The following HKDC1 variants were observed in gnomAD, a reference collection of about 807,000 sequenced individuals.
The protein encoded by HKDC1 is hexokinase HKDC1.
HKDC1 carries 66 observed loss-of-function variants against 96.6 expected under a neutral mutation model. That is an observed-to-expected ratio of 0.68 (90% confidence interval 0.56 to 0.84). The LOEUF (loss-of-function observed/expected upper bound fraction) is 0.84. Among genes scored for constraint, HKDC1 ranks in the 40% least tolerant of loss-of-function variants. The pLI is 0.00. For missense variants in HKDC1, 1,211 were observed against 1,208.1 expected (o/e 1.00, Z -0.04); for synonymous variants, 466 against 473.1 (o/e 0.98, Z 0.20).
At chr10:69,232,677 T>C (rs1374152324) in intron 2 of HKDC1, 87 bp from the exon 3 acceptor site, 10 of 1,252,066 alleles carry the variant, frequency 8.0e-6, no homozygotes, top group Non-Finnish European at 1.1e-5. Flanking sequence ...TTTGAAGACG[T>C]TGATTATATG....
At chr10:69,257,689 G>GA (rs1451547860) in intron 14 of HKDC1, among the ~76,000 whole-genome samples, 2 of 151,954 alleles carry the variant, frequency 1.3e-5, no homozygotes, top group African/African-American at 4.8e-5. Flanking sequence ...TTGTCATGGG[G>GA]GGGGGAAGGA....
Position 69,264,245 on chromosome 10 carries a change from T to TG in HKDC1, c.2373-1340_2373-1339insG, listed in dbSNP as rs1564738676. Among the ~76,000 whole-genome samples the TG allele has an allele frequency of 2.0e-4, 27 of 137,546 alleles. No individual in the cohort carries two copies. In the East Asian group the frequency reaches 2.3e-3, roughly 11 times the overall value. 90.2% of individuals were successfully genotyped at this position (137,546 alleles called of 152,430 possible). On this transcript the variant is annotated intron_variant, in intron 16 of 17. Transcript: ENST00000354624. ...TGTGTGTGTGTGTGTGTGTGTGTCTTTTTTTAATCTGGGCAAGGGCAAACA... is the reference window on the plus strand; with the variant it reads ...TGTGTGTGTGTGTGTGTGTGTGTCTTGTTTTTAATCTGGGCAAGGGCAAACA...
intron 10 of HKDC1, among the ~76,000 whole-genome samples, chr10:69,250,070 C>T (rs1217149095): frequency 6.6e-6 from 1 of 152,194 alleles, no homozygotes; most frequent in East Asian, 1.9e-4. Flanking sequence ...TGGGACTTTA[C>T]CACAGAAGTG....
chr10:69,232,752 G>A lies in HKDC1; in HGVS notation c.227-12G>A. 1.2e-6 allele frequency: 2 copies of A among 1,613,504 alleles called. No homozygotes were observed. Among genetic ancestry groups the A allele is most frequent in the Non-Finnish European group, 8.5e-7 (1 of 1,179,570 alleles). ...CCCTCAATAAATGGAAACTGAATTT[G>A]TTTCTTAATAGAAAATGGGGAGTTC... is the stretch of plus-strand genomic sequence containing the variant. On this transcript the variant is annotated splice_polypyrimidine_tract_variant and intron_variant, in intron 2 of 17. Coordinates refer to ENST00000354624, the MANE Select transcript of HKDC1 (RefSeq NM_025130.4).
chr10:69,227,640 G>C (rs1465412666), intron 2 of HKDC1, among the ~76,000 whole-genome samples: 6 of 152,202 alleles, frequency 3.9e-5, no homozygotes, highest in Non-Finnish European at 7.3e-5. Flanking sequence ...TCCCTGGTGA[G>C]TATCAACGTG....
At position 69,266,807 on chromosome 10, in the gene HKDC1, C is replaced by T. The variant is rs762097516; in HGVS notation, c.*50C>T. 7.8e-5 allele frequency: 122 copies of T among 1,571,782 alleles called. 1 individual carries two copies. The Middle Eastern group carries it at 1.0e-3, about 13-fold the overall frequency. ...CATCTTGGATACTGAACAGCTTTTC[C>T]TCTGGCAGATCAGTTGGTCAGAGAC... On this transcript the variant is annotated 3_prime_UTR_variant, in exon 18 of 18. Transcript: ENST00000354624.
rs778993869 is a variant in HKDC1, at chr10:69,258,733, G to A, written c.2033-43G>A. On this transcript the variant is annotated intron_variant, in intron 14 of 17. Coordinates refer to ENST00000354624, the MANE Select transcript of HKDC1 (RefSeq NM_025130.4). Reference sequence around the variant, plus strand: ...CACTCTGCCACCTTTCTAAAACCTGGTGATGTCTTTGAAGACTAAGGTTCC... The same window carrying A: ...CACTCTGCCACCTTTCTAAAACCTGATGATGTCTTTGAAGACTAAGGTTCC... 6 of 1,597,256 alleles carry A rather than the reference G, an allele frequency of 3.8e-6. No homozygotes were observed. The East Asian group carries it at 6.7e-5, about 18-fold the overall frequency.
At position 69,246,109 on chromosome 10, in the gene HKDC1, G is replaced by A; in HGVS notation, c.906G>A (p.Leu302=). 1.2e-6 allele frequency: 2 copies of A among 1,614,214 alleles called. No homozygotes were observed. Among genetic ancestry groups the A allele is most frequent in the South Asian group, 1.1e-5 (1 of 91,084 alleles). Residue 302 remains leucine, a synonymous_variant, in exon 8 of 18, where the codon CTG becomes CTA. Transcript: ENST00000354624. The part of the protein sequence containing the change: ...LFEKMISGLY[L]GELVRLILLK... ...AGAAGATGATCAGTGGCCTGTACCTGGGGGAGCTTGTCAGGCTTATCTTGC... is the reference window on the plus strand; with the variant it reads ...AGAAGATGATCAGTGGCCTGTACCTAGGGGAGCTTGTCAGGCTTATCTTGC...
chr10:69,250,457 TG>T (rs1843622942), intron 11 of HKDC1, 22 bp downstream of exon 11: 7 of 1,611,958 alleles, frequency 4.3e-6, no homozygotes, highest in Non-Finnish European at 5.9e-6. Flanking sequence ...GCAAGGCCTT[TG>T]GGCTCCGAGG....
Position 69,248,631 on chromosome 10 carries a change from G to A in HKDC1, c.1473G>A (p.Met491Ile). Reference protein sequence around the residue: ...REQLVDVQAKMRAELEYGLKK... With the variant: ...REQLVDVQAKIRAELEYGLKK... ...AGCTCGTGGACGTGCAGGCCAAGAT[G>A]CGGGCTGAGCTGGAGTATGGGCTGA... The change falls in exon 10 of 18, where the codon ATG (methionine) becomes ATA (isoleucine). Residue 491 changes from methionine to isoleucine, a missense_variant. By Grantham distance (10) the Met-to-Ile change is conservative (BLOSUM62 1). Coordinates refer to ENST00000354624, the MANE Select transcript of HKDC1 (RefSeq NM_025130.4). The A allele has an allele frequency of 6.2e-7, 1 of 1,614,156 alleles. No homozygotes were observed. Among genetic ancestry groups the A allele is most frequent in the Non-Finnish European group, 8.5e-7 (1 of 1,180,026 alleles).
At chr10:69,240,893 C>A in intron 6 of HKDC1, 142 bp downstream of exon 6, 1 of 616,694 alleles carries the variant, frequency 1.6e-6, no homozygotes, top group African/African-American at 1.8e-5. Flanking sequence ...AAAATTCATT[C>A]ATTCATCCAT....
Position 69,243,164 on chromosome 10 carries a change from C to G in HKDC1, c.692-18C>G, listed in dbSNP as rs750577149. The G allele has an allele frequency of 6.2e-7, 1 of 1,613,934 alleles. No individual in the cohort carries two copies. The highest frequency in any genetic ancestry group is 8.5e-7 in the Non-Finnish European group (1 of 1,179,808). On this transcript the variant is annotated intron_variant, in intron 6 of 17. Coordinates refer to ENST00000354624, the MANE Select transcript of HKDC1 (RefSeq NM_025130.4). ...TGGGAGTCCTCTCTCTGCATATTCTCTCTGATCCCTGGTTCAGGAACTGGC... is the reference window on the plus strand; with the variant it reads ...TGGGAGTCCTCTCTCTGCATATTCTGTCTGATCCCTGGTTCAGGAACTGGC...
intron 9 of HKDC1, among the ~76,000 whole-genome samples, chr10:69,248,032 G>A (rs2132358536): frequency 6.6e-6 from 1 of 152,292 alleles, no homozygotes; most frequent in South Asian, 2.1e-4. Context: ...GAAAACACAG[G>A]GAAATGGGAA....
intron 1 of HKDC1, among the ~76,000 whole-genome samples, chr10:69,222,246 A>T (rs549036635): frequency 1.2e-3 from 189 of 152,318 alleles, no homozygotes; most frequent in African/African-American, 4.4e-3. Flanking sequence ...AAAGAGAGAG[A>T]GGAAGTGTGG....
At chr10:69,243,106 C>T (rs1843478204) in intron 6 of HKDC1, 76 bp from the exon 7 acceptor site, 2 of 1,451,978 alleles carry the variant, frequency 1.4e-6, no homozygotes, top group South Asian at 1.2e-5. Flanking sequence ...GGAGGACTCC[C>T]CAGCAGTCAA....
rs774217376 is a variant in HKDC1, at chr10:69,261,225, G to A, written c.2303G>A (p.Arg768Gln). ...CTGACCAAGCAGGGTCTCCTCTTCC[G>A]AGGGCAGATTTCAGAGCGTCTCCGG... is the stretch of plus-strand genomic sequence containing the variant. ...IDLTKQGLLF[R>Q]GQISERLRTR... Residue 768 changes from arginine to glutamine, a missense_variant, in exon 16 of 18, where the codon CGA becomes CAA. Physicochemically the swap from Arg to Gln is conservative, Grantham distance 43 (BLOSUM62 1). Transcript: ENST00000354624. 3.7e-6 allele frequency: 6 copies of A among 1,613,968 alleles called. No homozygotes were observed. Among genetic ancestry groups the A allele is most frequent in the African/African-American group, 2.7e-5 (2 of 74,888 alleles).
chr10:69,221,867 C>T (rs980537847), intron 1 of HKDC1, among the ~76,000 whole-genome samples: 3 of 151,196 alleles, frequency 2.0e-5, no homozygotes, highest in East Asian at 1.9e-4. Context: ...CGGGAGACTG[C>T]GCTACTGCAC....
intron 17 of HKDC1, among the ~76,000 whole-genome samples, 189 bp from the exon 18 acceptor site, chr10:69,266,420 AC>A (rs1843899061): frequency 6.6e-6 from 1 of 151,502 alleles, no homozygotes; most frequent in Non-Finnish European, 1.5e-5. Flanking sequence ...CTGTGATTGC[AC>A]AACTGCAGTC....
rs755173680 is a variant in HKDC1, at chr10:69,232,870, C to A, written c.333C>A (p.Phe111Leu). ...GACACGTGCAGATGGAGAGTCAGTT[C>A]TACCCAACGCCCAATGAAATCATCC... ...GKRHVQMESQ[F>L]YPTPNEIIRG... Residue 111 changes from phenylalanine to leucine, a missense_variant, in exon 3 of 18, where the codon TTC becomes TTA. Physicochemically the swap from Phe to Leu is conservative, Grantham distance 22. Coordinates refer to ENST00000354624, the MANE Select transcript of HKDC1 (RefSeq NM_025130.4). 7.4e-6 allele frequency: 12 copies of A among 1,613,806 alleles called. No individual in the cohort carries two copies. In the East Asian group the frequency reaches 2.7e-4, roughly 36 times the overall value.
Sources: allele counts gnomAD v4.1 joint callset (sites outside exome capture counted in the v4.1 genomes callset), GRCh38; gene constraint gnomAD v4.1.1; transcripts MANE v1.5; gene names NCBI Gene and HGNC (gene_info 2026-07-23, HGNC 2026-07-21).